The following CCT6B variants were observed in gnomAD, a reference collection of about 807,000 sequenced individuals.
CCT6B encodes the protein probable T-complex protein 1 subunit zeta-2.
A neutral mutation model predicts 61.5 loss-of-function variants in CCT6B; 49 were observed. That is an observed-to-expected ratio of 0.80 (90% CI 0.63 to 1.01). The LOEUF (loss-of-function observed/expected upper bound fraction) is 1.01. Among genes scored for constraint, CCT6B ranks in the 50% least tolerant of loss-of-function variants. The pLI is 0.00. For missense variants in CCT6B, 666 were observed against 634.7 expected (o/e 1.05, Z -0.53); for synonymous variants, 228 against 214.5 (o/e 1.06, Z -0.55).
chr17:34,927,984 T>C lies in CCT6B; in HGVS notation c.*64A>G. On this transcript the variant is annotated 3_prime_UTR_variant, in exon 14 of 14. Coordinates refer to ENST00000314144, the MANE Select transcript of CCT6B (RefSeq NM_006584.4). ...ATTCAGAATGGCTCAGGCTACACAA[T>C]AGTAGTCAGATGTAAAGTGTACTAA... is the stretch of plus-strand genomic sequence containing the variant. 8.6e-7 allele frequency: 1 copy of C among 1,164,734 alleles called. No individual in the cohort carries two copies. Among genetic ancestry groups the C allele is most frequent in the Admixed American group, 1.9e-5 (1 of 51,812 alleles). The allele number at this position is 1,164,734 out of a possible 1,614,324, so 72.1% of individuals were successfully genotyped here. A position where few individuals can be genotyped will look rare whatever the true frequency, so the allele number is the denominator to read the frequency against.
rs935727724 is a variant in CCT6B, at chr17:34,940,827, T to C, written c.886-206A>G. 1.6e-4 allele frequency among the ~76,000 whole-genome samples: 25 copies of C among 152,220 alleles called. No individual in the cohort carries two copies. The East Asian group carries it at 3.9e-3, about 23-fold the overall frequency. On this transcript the variant is annotated intron_variant, in intron 7 of 13. Coordinates refer to ENST00000314144, the MANE Select transcript of CCT6B (RefSeq NM_006584.4). ...TAATTCATTTAAATAATAAGCCCAT[T>C]TTATGTTAATACACATAACATTTTA...
At chr17:34,961,196 A>G (rs1016570074) in intron 1 of CCT6B, 61 bp downstream of exon 1, 24 of 1,533,340 alleles carry the variant, frequency 1.6e-5, no homozygotes, top group Non-Finnish European at 2.0e-5. Context: ...CCTGCCTCAG[A>G]GGGCGACAGG....
chr17:34,931,870 G>C (rs1001598020), intron 11 of CCT6B, among the ~76,000 whole-genome samples: 11 of 152,050 alleles, frequency 7.2e-5, no homozygotes, highest in African/African-American at 2.7e-4. Flanking sequence ...TCTGTCCTTA[G>C]GTTGCCACAT....
At chr17:34,951,416 G>C (rs767119674) in intron 5 of CCT6B, among the ~76,000 whole-genome samples, 2 of 152,208 alleles carry the variant, frequency 1.3e-5, no homozygotes, top group Admixed American at 6.5e-5. Context: ...ATAGCTAACA[G>C]TTATGTGGAA....
chr17:34,954,392 T>C (rs1451660172), intron 4 of CCT6B, 34 bp downstream of exon 4: 2 of 1,532,894 alleles, frequency 1.3e-6, no homozygotes, highest in Non-Finnish European at 1.8e-6. Flanking sequence ...CATTAGGCTA[T>C]ATTTGTTCTG....
chr17:34,934,134 GA>G lies in CCT6B; in HGVS notation c.1214-1635del, dbSNP rs1280861242. On this transcript the variant is annotated intron_variant, in intron 10 of 13. Transcript: ENST00000314144. ...ACAGATCGAGACTCTGTTTCAAAAAGAAAAAAAAAAAAAAAAAACTAAAAAA... is the reference window on the plus strand; with the variant it reads ...ACAGATCGAGACTCTGTTTCAAAAAGAAAAAAAAAAAAAAAAACTAAAAAA... Among the ~76,000 whole-genome samples, 392 of 75,860 alleles carry G rather than the reference GA, an allele frequency of 5.2e-3. 1 individual carries two copies. Among genetic ancestry groups the G allele is most frequent in the African/African-American group, 0.013 (276 of 20,446 alleles). The allele number at this position is 75,860 out of a possible 152,430, so 49.8% of individuals were successfully genotyped here.
At chr17:34,950,756 C>T (rs574075255) in intron 5 of CCT6B, among the ~76,000 whole-genome samples, 219 of 152,066 alleles carry the variant, frequency 1.4e-3, no homozygotes, top group Non-Finnish European at 2.4e-3. Context: ...TGGTGAAACC[C>T]CGTCTCTACT....
Position 34,954,481 on chromosome 17 carries a change from G to A in CCT6B, c.455C>T (p.Ala152Val). 3 of 1,613,562 alleles carry A rather than the reference G, an allele frequency of 1.9e-6. No homozygotes were observed. The South Asian group carries it at 3.3e-5, about 18-fold the overall frequency. The stretch of plus-strand genomic sequence containing the variant: ...AACTTTAGTTTGTAATGATGTTCTA[G>A]CTACATCTAAGAGGATTTTTCTTTT... Reference protein sequence around the residue: ...EMKRKILLDVARTSLQTKVHA... With the variant: ...EMKRKILLDVVRTSLQTKVHA... Residue 152 changes from alanine (A) to valine (V), a missense_variant, in exon 4 of 14, where the codon GCT becomes GTT. Coordinates refer to ENST00000314144, the MANE Select transcript of CCT6B (RefSeq NM_006584.4).
chr17:34,953,378 T>C (rs2090314380), intron 4 of CCT6B, among the ~76,000 whole-genome samples: 1 of 150,408 alleles, frequency 6.6e-6, no homozygotes, highest in Non-Finnish European at 1.5e-5. Context: ...TCACCCAGGC[T>C]AGAGTGCAAT....
At chr17:34,953,617 AC>A (rs2090316835) in intron 4 of CCT6B, among the ~76,000 whole-genome samples, 1 of 152,054 alleles carries the variant, frequency 6.6e-6, no homozygotes, top group Admixed American at 6.5e-5. Context: ...AGCATGAGCC[AC>A]CATGCCCAGC....
In CCT6B at chr17:34,928,074, G is replaced by A. The variant is rs114402652; in HGVS notation, c.1567C>T (p.Arg523Ter). ...TNILLVDEIM[R>*]AGMSSLK ...CATTTGAGAGAAGACATCCCAGCTC[G>A]CATAATTTCATCAACCAGGAGAATG... The change falls in exon 14 of 14, where the codon CGA becomes TGA. Residue 523 changes from arginine to a stop codon, truncating the protein, a stop_gained. Transcript: ENST00000314144. LOFTEE classifies it high-confidence loss of function. 112 of 1,610,506 alleles carry A rather than the reference G, an allele frequency of 7.0e-5. No homozygotes were observed. In the East Asian group the frequency reaches 2.0e-3, roughly 28 times the overall value.
In CCT6B at chr17:34,942,565, T is replaced by C; in HGVS notation, c.804A>G (p.Glu268=). Residue 268 remains glutamate, a synonymous_variant, in exon 7 of 14, where the codon GAA becomes GAG. Coordinates refer to ENST00000314144, the MANE Select transcript of CCT6B (RefSeq NM_006584.4). ...KLVKAERKFI[E]DRVQKIIDLK... Reference sequence around the variant, plus strand: ...GGTCTATTATTTTTTGTACTCTATCTTCAATAAATTTTCTTTCAGCTTTTA... The same window carrying C: ...GGTCTATTATTTTTTGTACTCTATCCTCAATAAATTTTCTTTCAGCTTTTA... The C allele has an allele frequency of 6.2e-7, 1 of 1,608,224 alleles. No individual in the cohort carries two copies. The highest frequency in any genetic ancestry group is 8.5e-7 in the Non-Finnish European group (1 of 1,177,038).
At chr17:34,932,561 GAC>G in intron 10 of CCT6B, 61 bp from the exon 11 acceptor site, 1 of 1,446,836 alleles carries the variant, frequency 6.9e-7, no homozygotes, top group Non-Finnish European at 9.3e-7. Context: ...GAGAGAGAGA[GAC>G]AGAAAAGCAA....
At chr17:34,932,579 T>C in intron 10 of CCT6B, 79 bp from the exon 11 acceptor site, 1 of 1,293,972 alleles carries the variant, frequency 7.7e-7, no homozygotes, top group Non-Finnish European at 1.1e-6. Flanking sequence ...AGCAATTCAC[T>C]ATTTAAGTAT....
chr17:34,954,712 TA>T, intron 3 of CCT6B, 113 bp from the exon 4 acceptor site: 3 of 757,014 alleles, frequency 4.0e-6, no homozygotes, highest in Non-Finnish European at 6.2e-6. Context: ...TGCCATGAAA[TA>T]TAAGTGTACA....
chr17:34,959,653 G>GTT lies in CCT6B; in HGVS notation c.138-5_138-4dup. 6.2e-7 allele frequency: 1 copy of GTT among 1,602,748 alleles called. No homozygotes were observed. The highest frequency in any genetic ancestry group is 8.5e-7 in the Non-Finnish European group (1 of 1,169,806). ...TGTCACCTGCACCAGAAACAAGCCT[G>GTT]TTCAGAGAAGAATGATATTAACTTC... On this transcript the variant is annotated splice_region_variant and splice_polypyrimidine_tract_variant and intron_variant, in intron 1 of 13. Transcript: ENST00000314144.
chr17:34,957,893 G>A (rs1479510036), intron 3 of CCT6B, among the ~76,000 whole-genome samples: 4 of 152,064 alleles, frequency 2.6e-5, no homozygotes, highest in South Asian at 2.1e-4. Context: ...TAGAAAGGAA[G>A]GTAAATTCAC....
At position 34,959,628 on chromosome 17, in the gene CCT6B, T is replaced by C; in HGVS notation, c.160A>G (p.Ile54Val). 2 of 1,612,852 alleles carry C rather than the reference T, an allele frequency of 1.2e-6. No homozygotes were observed. The highest frequency in any genetic ancestry group is 1.7e-6 in the Non-Finnish European group (2 of 1,178,866). The change falls in exon 2 of 14, where the codon ATC becomes GTC. Residue 54 changes from isoleucine to valine, a missense_variant. Transcript: ENST00000314144. The stretch of plus-strand genomic sequence containing the variant: ...ACATTGCCATCTTTGGTGAGTTTGA[T>C]GTCACCTGCACCAGAAACAAGCCTG... The part of the protein sequence containing the change: ...MKMLVSGAGD[I>V]KLTKDGNVLL...
chr17:34,928,172 T>A (rs1230983172), intron 13 of CCT6B, 55 bp from the exon 14 acceptor site: 1 of 1,162,722 alleles, frequency 8.6e-7, no homozygotes, highest in Non-Finnish European at 1.3e-6. Flanking sequence ...CTTAGCTTTT[T>A]TCCCCAGCAA....
Sources: gnomAD v4.1 joint callset for allele counts (sites outside exome capture counted in the v4.1 genomes callset) on GRCh38, gnomAD v4.1.1 for gene constraint, MANE v1.5 for transcripts, NCBI Gene and HGNC (gene_info 2026-07-23, HGNC 2026-07-21) for gene names.